GRB14: variants seen among roughly 807,000 people sequenced by gnomAD.
GRB14 encodes growth factor receptor-bound protein 14.
A neutral mutation model predicts 69.1 loss-of-function variants in GRB14; 38 were observed. The ratio of observed to expected loss-of-function variants is 0.55; its 90% CI spans 0.42 to 0.72. GRB14 has a LOEUF of 0.72. Ranked by LOEUF, GRB14 falls within the 30% of genes least tolerant of loss-of-function variation. The pLI is 0.00. For synonymous variants in GRB14, 247 were observed against 241.3 expected (o/e 1.02, Z -0.22); for missense variants, 666 against 666.1 (o/e 1.00, Z 0.00).
At chr2:164,541,899 T>C (rs2105304835) in intron 3 of GRB14, among the ~76,000 whole-genome samples, 1 of 152,222 alleles carries the variant, frequency 6.6e-6, no homozygotes, top group Admixed American at 6.5e-5. Flanking sequence ...ATTGTTGCCA[T>C]CTCTATGTCC....
At chr2:164,611,320 G>A (rs1325218635) in intron 2 of GRB14, among the ~76,000 whole-genome samples, 1 of 152,112 alleles carries the variant, frequency 6.6e-6, no homozygotes, top group Non-Finnish European at 1.5e-5. Flanking sequence ...CCATTTATGG[G>A]GCTCCTGTAG....
intron 2 of GRB14, among the ~76,000 whole-genome samples, chr2:164,595,686 GA>G (rs1197417977): frequency 1.3e-5 from 2 of 152,178 alleles, no homozygotes; most frequent in African/African-American, 4.8e-5. Flanking sequence ...TTTCATAGAT[GA>G]ATATCAGGTT....
intron 6 of GRB14, among the ~76,000 whole-genome samples, chr2:164,513,105 CTTTCT>C (rs1687381958): frequency 6.6e-6 from 1 of 152,132 alleles, no homozygotes. Context: ...ACTTCTCTCT[CTTTCT>C]CTTTCCTTCC....
chr2:164,543,082 C>G (rs1413563898), intron 3 of GRB14, among the ~76,000 whole-genome samples: 1 of 151,986 alleles, frequency 6.6e-6, no homozygotes, highest in Non-Finnish European at 1.5e-5. Flanking sequence ...CACCTGACCT[C>G]AGGAGTTGAA....
At chr2:164,529,496 C>T (rs1335810176) in intron 3 of GRB14, among the ~76,000 whole-genome samples, 1 of 152,074 alleles carries the variant, frequency 6.6e-6, no homozygotes, top group Non-Finnish European at 1.5e-5. Flanking sequence ...TAAATTATCC[C>T]GTCTCCATTA....
At chr2:164,494,590 T>A in intron 12 of GRB14, 66 bp from the exon 13 acceptor site, 1 of 886,714 alleles carries the variant, frequency 1.1e-6, no homozygotes, top group Non-Finnish European at 1.9e-6. Context: ...ACTATAGCAT[T>A]AATAAATCCA....
At chr2:164,542,963 C>T (rs1454246125) in intron 3 of GRB14, among the ~76,000 whole-genome samples, 1 of 152,096 alleles carries the variant, frequency 6.6e-6, no homozygotes, top group Non-Finnish European at 1.5e-5. Flanking sequence ...ATAGCAAAGA[C>T]ACAGAATCAC....
chr2:164,574,943 A>C (rs1689218276), intron 2 of GRB14, among the ~76,000 whole-genome samples: 1 of 152,108 alleles, frequency 6.6e-6, no homozygotes, highest in Non-Finnish European at 1.5e-5. Flanking sequence ...ATGAAGAAAA[A>C]AAAAAAAAAC....
chr2:164,610,230 T>C (rs535831898), intron 2 of GRB14, among the ~76,000 whole-genome samples: 25 of 152,330 alleles, frequency 1.6e-4, no homozygotes, highest in African/African-American at 6.0e-4. Context: ...ATTAAAACAT[T>C]TGCTAGCATA....
chr2:164,582,012 A>T (rs1196695207), intron 2 of GRB14, among the ~76,000 whole-genome samples: 1 of 152,204 alleles, frequency 6.6e-6, no homozygotes, highest in Non-Finnish European at 1.5e-5. Flanking sequence ...TGTCCAGCTT[A>T]TTCAGACCCA....
Position 164,547,627 on chromosome 2 carries a change from C to CAATG in GRB14, c.481+29_481+32dup, listed in dbSNP as rs752512587. Reference sequence around the variant, plus strand: ...GGGAGCTGAACAAGAAATAGAAAAGCAATGATGTGAGACAATAACTCCGTA... The same window carrying CAATG: ...GGGAGCTGAACAAGAAATAGAAAAGCAATGAATGATGTGAGACAATAACTCCGTA... On this transcript the variant is annotated intron_variant, in intron 3 of 13. Transcript: ENST00000263915. The CAATG allele has an allele frequency of 1.2e-5, 19 of 1,555,540 alleles. No individual in the cohort carries two copies. In the South Asian group the frequency reaches 2.2e-4, roughly 18 times the overall value.
intron 3 of GRB14, among the ~76,000 whole-genome samples, chr2:164,541,332 C>G (rs892862570): frequency 6.6e-6 from 1 of 151,614 alleles, no homozygotes; most frequent in Non-Finnish European, 1.5e-5. Context: ...ATTAGCTGGG[C>G]GTGGTGGTGG....
chr2:164,521,103 C>A (rs370411715), intron 6 of GRB14, among the ~76,000 whole-genome samples: 1 of 152,018 alleles, frequency 6.6e-6, no homozygotes, highest in Non-Finnish European at 1.5e-5. Flanking sequence ...ATGGAACCAG[C>A]GCAAATCCCC....
At chr2:164,495,351 T>TA (rs1461252910) in intron 12 of GRB14, among the ~76,000 whole-genome samples, 1 of 152,074 alleles carries the variant, frequency 6.6e-6, no homozygotes, top group Non-Finnish European at 1.5e-5. Flanking sequence ...TATATTGTTT[T>TA]AAAAAAATCT....
rs781520213 is a variant in GRB14 at position 164,619,704 on chromosome 2, T to G, written c.307A>C (p.Asn103His). The G allele has an allele frequency of 1.1e-5, 17 of 1,578,590 alleles. No individual in the cohort carries two copies. In the African/African-American group the frequency reaches 2.3e-4, roughly 22 times the overall value. Reference sequence around the variant, plus strand: ...ATGCATACCTGTTTTTTCCTTGAATTTGCTTTGGGAAATAGGTCTGCTGAC... The same window carrying G: ...ATGCATACCTGTTTTTTCCTTGAATGTGCTTTGGGAAATAGGTCTGCTGAC... Reference protein sequence around the residue: ...VLSADLFPKANSRKKQVIKVY... With the variant: ...VLSADLFPKAHSRKKQVIKVY... Residue 103 changes from asparagine to histidine, a missense_variant, in exon 2 of 14, where the codon AAT (asparagine) becomes CAT (histidine). Coordinates refer to ENST00000263915, the MANE Select transcript of GRB14 (RefSeq NM_004490.3).
intron 2 of GRB14, among the ~76,000 whole-genome samples, chr2:164,603,392 G>A (rs1257193580): frequency 2.6e-5 from 4 of 152,202 alleles, no homozygotes; most frequent in South Asian, 2.1e-4. Flanking sequence ...GGCCGGGTGC[G>A]GTGGCTCACA....
chr2:164,551,078 T>A (rs1298850802), intron 2 of GRB14, among the ~76,000 whole-genome samples: 1 of 152,230 alleles, frequency 6.6e-6, no homozygotes, highest in African/African-American at 2.4e-5. Context: ...AGTATTTATA[T>A]GATAGAAACC....
chr2:164,566,747 A>G (rs1688985249), intron 2 of GRB14, among the ~76,000 whole-genome samples: 1 of 152,114 alleles, frequency 6.6e-6, no homozygotes, highest in Admixed American at 6.6e-5. Flanking sequence ...AATAATTTAC[A>G]TATTTTACTA....
chr2:164,565,424 A>G (rs1293065434), intron 2 of GRB14, among the ~76,000 whole-genome samples: 1 of 152,198 alleles, frequency 6.6e-6, no homozygotes, highest in African/African-American at 2.4e-5. Flanking sequence ...TTGAATGGCA[A>G]TTATACCCAC....
Sources: allele counts gnomAD v4.1 joint callset (sites outside exome capture counted in the v4.1 genomes callset), GRCh38; gene constraint gnomAD v4.1.1; transcripts MANE v1.5; gene names NCBI Gene and HGNC (gene_info 2026-07-23, HGNC 2026-07-21).